PHKA1: variants seen among roughly 807,000 people sequenced by gnomAD.
PHKA1 encodes phosphorylase kinase regulatory subunit alpha 1, also known as phosphorylase b kinase regulatory subunit alpha, skeletal muscle isoform.
PHKA1 carries 60 observed loss-of-function variants against 110.2 expected under a neutral mutation model. That is an observed-to-expected ratio of 0.54 (90% CI 0.44 to 0.68). The LOEUF (loss-of-function observed/expected upper bound fraction) is 0.68, where lower values mean the gene tolerates loss of function less well. Ranked by LOEUF, PHKA1 falls within the 30% of genes least tolerant of loss-of-function variation. The probability of loss-of-function intolerance (pLI) is 0.00; values close to 1 mark genes in which losing one functional copy is unlikely to be tolerated. For missense variants in PHKA1, 801 were observed against 942.5 expected (o/e 0.85, Z 1.97); for synonymous variants, 316 against 333.6 (o/e 0.95, Z 0.58).
rs186727594 is a variant in PHKA1 at position 72,675,774 on chromosome X, C to T, written c.618+296G>A. On this transcript the variant is annotated intron_variant, in intron 6 of 31. Transcript: ENST00000373542. ...GGTAAACGAAAGGAATAAAAGCCTT[C>T]TTTTGCTTGTTTTTGTAATGGTAGA... is the stretch of plus-strand genomic sequence containing the variant. 3.6e-5 allele frequency among the ~76,000 whole-genome samples: 4 copies of T among 110,125 alleles called. No homozygotes were observed. In the East Asian group the frequency reaches 1.1e-3, roughly 32 times the overall value.
chrX:72,670,798 C>T lies in PHKA1; in HGVS notation c.619-3325G>A, dbSNP rs782151322. On this transcript the variant is annotated intron_variant, in intron 6 of 31. Transcript: ENST00000373542. The stretch of plus-strand genomic sequence containing the variant: ...GGTTCAATATACGCAAATCAATAAA[C>T]GCAATCCAGCATATAAACAGAACCA... Among the ~76,000 whole-genome samples the T allele has an allele frequency of 3.4e-4, 38 of 111,986 alleles. No individual in the cohort carries two copies. In the East Asian group the frequency reaches 6.7e-3, roughly 20 times the overall value.
intron 6 of PHKA1, among the ~76,000 whole-genome samples, chrX:72,669,568 C>G (rs782516055): frequency 3.6e-4 from 28 of 77,998 alleles, no homozygotes; most frequent in African/African-American, 1.3e-3. Flanking sequence ...GTATGATGTT[C>G]CCCTTCCTGT....
At chrX:72,594,519 T>G (rs1301408324) in intron 28 of PHKA1, among the ~76,000 whole-genome samples, 1 of 112,180 alleles carries the variant, frequency 8.9e-6, no homozygotes, top group Non-Finnish European at 1.9e-5. Flanking sequence ...AATTACATAA[T>G]CTCAATGAAA....
At chrX:72,622,655 C>T (rs1257539485) in intron 18 of PHKA1, 1 of 748,211 alleles carries the variant, frequency 1.3e-6, no homozygotes, top group African/African-American at 2.3e-5. Context: ...TAGGCTTTTT[C>T]AAACTACACA....
chrX:72,582,290 A>C (rs1282720797), intron 31 of PHKA1, 108 bp downstream of exon 31: 1 of 554,889 alleles, frequency 1.8e-6, no homozygotes, highest in East Asian at 3.5e-5. Context: ...AAAAAGAAGT[A>C]TGAGGAAGAG....
At position 72,584,232 on chromosome X, in the gene PHKA1, A is replaced by G; in HGVS notation, c.3297+17T>C. 8.5e-7 allele frequency: 1 copy of G among 1,179,752 alleles called. No homozygotes were observed. The highest frequency in any genetic ancestry group is 1.8e-5 in the South Asian group (1 of 56,172). On this transcript the variant is annotated intron_variant, in intron 30 of 31. Transcript: ENST00000373542. Reference sequence around the variant, plus strand: ...AAAGTTATCAGTCACATAAATGTGCAAGAAAGAGACTCTTACCTCTCTAGT... The same window carrying G: ...AAAGTTATCAGTCACATAAATGTGCGAGAAAGAGACTCTTACCTCTCTAGT...
intron 4 of PHKA1, among the ~76,000 whole-genome samples, chrX:72,685,818 T>TA (rs2053960740): frequency 8.9e-6 from 1 of 112,053 alleles, no homozygotes; most frequent in Non-Finnish European, 1.9e-5. Context: ...CTATAGAGAC[T>TA]AAACTTTTAA....
At chrX:72,655,100 A>G (rs1556300660) in intron 10 of PHKA1, among the ~76,000 whole-genome samples, 1 of 108,923 alleles carries the variant, frequency 9.2e-6, no homozygotes, top group Non-Finnish European at 1.9e-5. Flanking sequence ...CCCGGCCAGC[A>G]TGGTGATTTT....
chrX:72,612,236 T>C (rs1347398520), intron 21 of PHKA1, among the ~76,000 whole-genome samples: 2 of 111,797 alleles, frequency 1.8e-5, no homozygotes, highest in African/African-American at 3.2e-5. Flanking sequence ...GGACCACATA[T>C]TGCAAGACTC....
intron 13 of PHKA1, among the ~76,000 whole-genome samples, chrX:72,649,922 G>A (rs1294339333): frequency 4.6e-5 from 5 of 108,980 alleles, no homozygotes; most frequent in Non-Finnish European, 9.5e-5. Flanking sequence ...AACCCAGGAG[G>A]TGGAGGTTGC....
chrX:72,580,963 A>C lies in PHKA1; in HGVS notation c.*39T>G. ...TGCACAATCAACCGAGGCAGGGACC[A>C]GCTGTCAAAAGGCTCCCAGAAGCCA... On this transcript the variant is annotated 3_prime_UTR_variant, in exon 32 of 32. Coordinates refer to ENST00000373542, the MANE Select transcript of PHKA1 (RefSeq NM_002637.4). The C allele has an allele frequency of 8.6e-7, 1 of 1,160,802 alleles. No homozygotes were observed. The highest frequency in any genetic ancestry group is 1.8e-5 in the African/African-American group (1 of 56,939).
At chrX:72,689,518 C>T (rs1297043148) in intron 4 of PHKA1, among the ~76,000 whole-genome samples, 1 of 111,071 alleles carries the variant, frequency 9.0e-6, no homozygotes, top group East Asian at 2.8e-4. Flanking sequence ...TTTTATTGCC[C>T]AAAATATTCC....
At chrX:72,695,650 A>T (rs45590832) in intron 4 of PHKA1, 58 bp downstream of exon 4, 20,318 of 1,117,465 alleles carry the variant, frequency 0.018, 153 homozygotes, top group Non-Finnish European at 0.021. Flanking sequence ...AAAGAATATT[A>T]ATTAGTACCC....
At chrX:72,598,866 C>A (rs1168642093) in intron 28 of PHKA1, among the ~76,000 whole-genome samples, 1 of 110,325 alleles carries the variant, frequency 9.1e-6, no homozygotes, top group Non-Finnish European at 1.9e-5. Flanking sequence ...CCTAAATCAC[C>A]AACCAATGCA....
At position 72,628,120 on chromosome X, in the gene PHKA1, C is replaced by T. The variant is rs782820720; in HGVS notation, c.1715-1071G>A. 7.4e-4 allele frequency among the ~76,000 whole-genome samples: 82 copies of T among 110,954 alleles called. 1 individual carries two copies. Among genetic ancestry groups the T allele is most frequent in the African/African-American group, 2.6e-3 (80 of 30,552 alleles). ...CTGGGATTACAGGCGTGAGCCACCGCGCCAGGCCTTTCCTACACTTTTAAC... is the reference window on the plus strand; with the variant it reads ...CTGGGATTACAGGCGTGAGCCACCGTGCCAGGCCTTTCCTACACTTTTAAC... On this transcript the variant is annotated intron_variant, in intron 16 of 31. Coordinates refer to ENST00000373542, the MANE Select transcript of PHKA1 (RefSeq NM_002637.4).
At chrX:72,613,017 T>C (rs1603255582) in intron 21 of PHKA1, among the ~76,000 whole-genome samples, 2 of 111,005 alleles carry the variant, frequency 1.8e-5, no homozygotes. Context: ...TATCAACCCC[T>C]AGACATATGA....
intron 10 of PHKA1, among the ~76,000 whole-genome samples, 177 bp from the exon 11 acceptor site, chrX:72,653,707 T>G (rs1047710811): frequency 5.3e-5 from 6 of 112,394 alleles, no homozygotes; most frequent in African/African-American, 1.9e-4. Flanking sequence ...CTAGGAGTTT[T>G]GCATACTTTA....
At chrX:72,627,238 T>C (rs904721628) in intron 16 of PHKA1, among the ~76,000 whole-genome samples, 189 bp from the exon 17 acceptor site, 1 of 107,248 alleles carries the variant, frequency 9.3e-6, no homozygotes, top group Non-Finnish European at 1.9e-5. Flanking sequence ...TGGTAAGGGA[T>C]GATGACTGAT....
At chrX:72,693,087 G>T (rs1162039356) in intron 4 of PHKA1, among the ~76,000 whole-genome samples, 12 of 110,450 alleles carry the variant, frequency 1.1e-4, no homozygotes, top group African/African-American at 3.6e-4. Context: ...GGTCATTTAG[G>T]TGTGTATTGC....
Sources: gnomAD v4.1 joint callset for allele counts (sites outside exome capture counted in the v4.1 genomes callset) on GRCh38, gnomAD v4.1.1 for gene constraint, MANE v1.5 for transcripts, NCBI Gene and HGNC (gene_info 2026-07-23, HGNC 2026-07-21) for gene names.